Variants in EBF1 observed in about 807,000 individuals in gnomAD.
EBF1 encodes EBF transcription factor 1.
Under a neutral mutation model 68.4 loss-of-function variants are expected in EBF1, and 10 were observed. The ratio of observed to expected loss-of-function variants is 0.15; its 90% CI spans 0.09 to 0.25. EBF1 has a LOEUF of 0.25. EBF1 is among the 10% of genes least tolerant of loss of function. EBF1 has a pLI of 1.00. For missense variants in EBF1, 509 were observed against 794.4 expected, an observed-to-expected ratio of 0.64 and a Z score of 4.32; for synonymous variants, 298 against 299.8, an observed-to-expected ratio of 0.99 and a Z score of 0.06.
intron 6 of EBF1, among the ~76,000 whole-genome samples, chr5:158,960,519 T>G (rs553132470): frequency 5.3e-5 from 8 of 152,248 alleles, no homozygotes; most frequent in Admixed American, 3.3e-4. Context: ...ATTGTACATC[T>G]CTGTAAAAAA....
chr5:158,796,777 T>C (rs1407443871), intron 8 of EBF1, among the ~76,000 whole-genome samples: 1 of 152,058 alleles, frequency 6.6e-6, no homozygotes, highest in Non-Finnish European at 1.5e-5. Flanking sequence ...ATGCTAAGGA[T>C]TTTTTTCTTA....
At chr5:158,991,899 A>G (rs1409472162) in intron 6 of EBF1, among the ~76,000 whole-genome samples, 1 of 152,110 alleles carries the variant, frequency 6.6e-6, no homozygotes, top group Non-Finnish European at 1.5e-5. Context: ...CCCCTCTCCA[A>G]TGTTTTTGCA....
chr5:158,756,733 A>T (rs1204080627), intron 10 of EBF1, among the ~76,000 whole-genome samples: 1 of 151,818 alleles, frequency 6.6e-6, no homozygotes, highest in African/African-American at 2.4e-5. Flanking sequence ...TGAAAGAATG[A>T]ACAAATGAAT....
At chr5:159,093,456 A>G (rs1418354975) in intron 4 of EBF1, among the ~76,000 whole-genome samples, 2 of 152,172 alleles carry the variant, frequency 1.3e-5, no homozygotes, top group South Asian at 2.1e-4. Flanking sequence ...TGACTTTCTC[A>G]TAAGTGCTAT....
intron 9 of EBF1, among the ~76,000 whole-genome samples, chr5:158,788,908 A>G (rs1777994781): frequency 6.6e-6 from 1 of 152,176 alleles, no homozygotes; most frequent in South Asian, 2.1e-4. Context: ...AAATAACAAT[A>G]TAGACTAAGG....
At chr5:158,910,769 G>A (rs561790729) in intron 6 of EBF1, among the ~76,000 whole-genome samples, 13 of 152,258 alleles carry the variant, frequency 8.5e-5, no homozygotes, top group African/African-American at 3.1e-4. Flanking sequence ...ACAATAATTG[G>A]TGCAGGATCT....
At chr5:158,704,349 A>G (rs1757406300) in intron 15 of EBF1, among the ~76,000 whole-genome samples, 1 of 152,186 alleles carries the variant, frequency 6.6e-6, no homozygotes, top group African/African-American at 2.4e-5. Flanking sequence ...AGTCGGCTTT[A>G]AAAAACAGAA....
intron 10 of EBF1, among the ~76,000 whole-genome samples, chr5:158,750,207 C>T (rs967340842): frequency 6.6e-6 from 1 of 152,094 alleles, no homozygotes; most frequent in African/African-American, 2.4e-5. Context: ...TAAGCACCTA[C>T]CATTATAATA....
chr5:159,024,011 G>T (rs551632697), intron 6 of EBF1, among the ~76,000 whole-genome samples: 2 of 152,084 alleles, frequency 1.3e-5, no homozygotes, highest in Non-Finnish European at 2.9e-5. Context: ...GATTATTCAA[G>T]CAAGGAAAGA....
intron 8 of EBF1, among the ~76,000 whole-genome samples, chr5:158,820,861 T>G (rs1160186146): frequency 6.6e-6 from 1 of 152,242 alleles, no homozygotes; most frequent in Non-Finnish European, 1.5e-5. Context: ...AGCTTAGAGC[T>G]GTGTTGATCC....
At chr5:158,975,390 C>T (rs779508486) in intron 6 of EBF1, among the ~76,000 whole-genome samples, 4 of 152,146 alleles carry the variant, frequency 2.6e-5, no homozygotes, top group Non-Finnish European at 4.4e-5. Context: ...AAATCCAGGT[C>T]TGTTGAATAG....
At chr5:159,087,404 A>G (rs1036387545) in intron 4 of EBF1, among the ~76,000 whole-genome samples, 1 of 148,082 alleles carries the variant, frequency 6.8e-6, no homozygotes, top group Non-Finnish European at 1.5e-5. Context: ...ACATATATAT[A>G]CACACACATA....
At chr5:159,038,875 T>A (rs1165699966) in intron 6 of EBF1, among the ~76,000 whole-genome samples, 1 of 152,074 alleles carries the variant, frequency 6.6e-6, no homozygotes, top group Non-Finnish European at 1.5e-5. Flanking sequence ...AGCTGTAGGA[T>A]CTCGGACAAG....
Position 158,898,708 on chromosome 5 carries a change from C to T in EBF1, c.555-58598G>A, listed in dbSNP as rs981890276. Among the ~76,000 whole-genome samples, 96 of 152,248 alleles carry T rather than the reference C, an allele frequency of 6.3e-4. 1 individual carries two copies. The highest frequency in any genetic ancestry group is 2.1e-3 in the African/African-American group (88 of 41,540). Reference sequence around the variant, plus strand: ...GTGTGGCTGTCATCCACGCACTAAGCGGGGGATTATCTTTTTTGTCTCTCA... The same window carrying T: ...GTGTGGCTGTCATCCACGCACTAAGTGGGGGATTATCTTTTTTGTCTCTCA... On this transcript the variant is annotated intron_variant, in intron 6 of 15. Coordinates refer to ENST00000313708, the MANE Select transcript of EBF1 (RefSeq NM_024007.5).
In EBF1 at chr5:159,096,396, C is replaced by T. The variant is rs764151575; in HGVS notation, c.302G>A (p.Ser101Asn). 6.2e-7 allele frequency: 1 copy of T among 1,613,656 alleles called. No individual in the cohort carries two copies. The highest frequency in any genetic ancestry group is 8.5e-7 in the Non-Finnish European group (1 of 1,179,790). Residue 101 changes from serine (S) to asparagine (N), a missense_variant, in exon 3 of 16, where the codon AGC (serine) becomes AAC (asparagine). Around this residue, in one of 3 missense-constraint regions of EBF1, gnomAD observed 230 missense variants for 467.7 expected, o/e 0.49. Coordinates refer to ENST00000313708, the MANE Select transcript of EBF1 (RefSeq NM_024007.5). ...GFVEKEKEAN[S>N]EKTNNGIHYR... ...GTGAATTCCGTTATTGGTCTTTTCGCTGTTGGCTTCCTGGGTTGCATCAGG... is the reference window on the plus strand; with the variant it reads ...GTGAATTCCGTTATTGGTCTTTTCGTTGTTGGCTTCCTGGGTTGCATCAGG...
chr5:158,845,021 A>G (rs1791166656), intron 6 of EBF1, among the ~76,000 whole-genome samples: 1 of 152,208 alleles, frequency 6.6e-6, no homozygotes, highest in Admixed American at 6.5e-5. Flanking sequence ...AAATTAATTC[A>G]ATTAGTCAGC....
At chr5:158,706,363 G>A (rs1253153811) in intron 15 of EBF1, among the ~76,000 whole-genome samples, 1 of 152,110 alleles carries the variant, frequency 6.6e-6, no homozygotes. Flanking sequence ...GAAAGACAAC[G>A]TGATCGGGTG....
chr5:158,901,883 G>T (rs1803434985), intron 6 of EBF1, among the ~76,000 whole-genome samples: 1 of 152,162 alleles, frequency 6.6e-6, no homozygotes, highest in Admixed American at 6.5e-5. Flanking sequence ...TTGAGGCCAG[G>T]GGTTCGAGAC....
At chr5:159,028,477 T>C (rs1768126607) in intron 6 of EBF1, among the ~76,000 whole-genome samples, 1 of 152,136 alleles carries the variant, frequency 6.6e-6, no homozygotes, top group Non-Finnish European at 1.5e-5. Flanking sequence ...TTAGAAAGTA[T>C]TGGGCTGGAA....
Sources: gnomAD v4.1 joint callset for allele counts (sites outside exome capture counted in the v4.1 genomes callset) on GRCh38, gnomAD v4.1.1 for gene constraint, gnomAD v4.1.1 regional missense constraint, MANE v1.5 for transcripts, NCBI Gene and HGNC (gene_info 2026-07-23, HGNC 2026-07-21) for gene names.